Variants in RALYL observed in about 807,000 individuals in gnomAD.
RALYL encodes the protein RNA-binding Raly-like protein.
Under a neutral mutation model 35.1 loss-of-function variants are expected in RALYL, and 29 were observed. That is an observed-to-expected ratio of 0.83 (90% CI 0.61 to 1.13). The LOEUF is 1.13. RALYL is among the 50% of genes most tolerant of loss of function. The pLI is 0.00. For synonymous variants in RALYL, 120 were observed against 127.6 expected (o/e 0.94, Z 0.40); for missense variants, 359 against 360.4 (o/e 1.00, Z 0.03).
At chr8:84,449,982 C>G (rs2049279805) in intron 1 of RALYL, among the ~76,000 whole-genome samples, 1 of 151,492 alleles carries the variant, frequency 6.6e-6, no homozygotes, top group African/African-American at 2.4e-5. Flanking sequence ...GACACAGGCT[C>G]ATGTCTGAAC....
At chr8:84,372,917 C>CTTTTTTTTTTTTTTTT (rs1856174202) in intron 1 of RALYL, among the ~76,000 whole-genome samples, 172 of 49,034 alleles carry the variant, frequency 3.5e-3, no homozygotes, top group African/African-American at 7.1e-3. Flanking sequence ...TTTTTTTTTA[C>CTTTTTTTTTTTTTTTT]TTTTTAATAA....
At chr8:84,788,327 G>A (rs541376557) in intron 3 of RALYL, among the ~76,000 whole-genome samples, 6 of 152,218 alleles carry the variant, frequency 3.9e-5, no homozygotes, top group Admixed American at 3.3e-4. Context: ...CATCGGGAAA[G>A]GATTCCCTAT....
intron 2 of RALYL, among the ~76,000 whole-genome samples, chr8:84,612,556 AAG>A (rs1378297502): frequency 6.7e-6 from 1 of 149,028 alleles, no homozygotes; most frequent in Admixed American, 6.6e-5. Flanking sequence ...TCTACTCCAG[AAG>A]AGAGATGTGC....
intron 2 of RALYL, among the ~76,000 whole-genome samples, chr8:84,565,967 G>A (rs916456985): frequency 6.6e-6 from 1 of 151,582 alleles, no homozygotes; most frequent in Admixed American, 6.6e-5. Flanking sequence ...AAGATGAAAT[G>A]AATTAATTGC....
At chr8:84,766,064 G>C (rs991026939) in intron 2 of RALYL, among the ~76,000 whole-genome samples, 1 of 152,068 alleles carries the variant, frequency 6.6e-6, no homozygotes, top group Non-Finnish European at 1.5e-5. Flanking sequence ...TATTGTAGCA[G>C]TGTAAATTAT....
At chr8:84,811,033 C>CTAT (rs1825784305) in intron 4 of RALYL, among the ~76,000 whole-genome samples, 5 of 152,108 alleles carry the variant, frequency 3.3e-5, no homozygotes. Context: ...ATTCATCATG[C>CTAT]TATTTGTTGC....
rs1303631829 is a variant in RALYL, at chr8:84,630,108, G to A, written c.256+100531G>A. 2.6e-5 allele frequency among the ~76,000 whole-genome samples: 4 copies of A among 151,926 alleles called. No homozygotes were observed. In the South Asian group the frequency reaches 6.2e-4, roughly 24 times the overall value. ...GCTATATGATTTAGAATTTTTTCCA[G>A]CTAAGATTAGCACAACAAATGACAA... On this transcript the variant is annotated intron_variant, in intron 2 of 8. Transcript: ENST00000521268.
At chr8:84,888,377 T>C (rs997593283) in intron 8 of RALYL, among the ~76,000 whole-genome samples, 1 of 152,240 alleles carries the variant, frequency 6.6e-6, no homozygotes, top group Admixed American at 6.5e-5. Flanking sequence ...CCAGATGTCC[T>C]TTCCTGCATA....
intron 1 of RALYL, among the ~76,000 whole-genome samples, chr8:84,266,916 C>T (rs1045998022): frequency 6.8e-6 from 1 of 147,168 alleles, no homozygotes; most frequent in Non-Finnish European, 1.5e-5. Context: ...GCCGAGATCG[C>T]GCCACTGCAC....
chr8:84,432,179 A>G (rs992291457), intron 1 of RALYL, among the ~76,000 whole-genome samples: 11 of 152,324 alleles, frequency 7.2e-5, no homozygotes, highest in Middle Eastern at 6.8e-3. Context: ...AGGTATAAAT[A>G]TAGAATGGAA....
chr8:84,637,706 C>T (rs77577125), intron 2 of RALYL, among the ~76,000 whole-genome samples: 1,573 of 151,808 alleles, frequency 0.01, 24 homozygotes, highest in African/African-American at 0.036. Context: ...TGTGGTCCTC[C>T]GGGAGTGTGG....
chr8:84,295,876 G>T (rs1235225605), intron 1 of RALYL, among the ~76,000 whole-genome samples: 3 of 152,026 alleles, frequency 2.0e-5, no homozygotes, highest in African/African-American at 7.2e-5. Context: ...AAGAATCCTT[G>T]CATTATTTGG....
At chr8:84,391,178 CTT>C (rs1311745696) in intron 1 of RALYL, among the ~76,000 whole-genome samples, 2 of 151,982 alleles carry the variant, frequency 1.3e-5, no homozygotes, top group Non-Finnish European at 2.9e-5. Flanking sequence ...GTGGACGACT[CTT>C]TCTCTCTCAA....
chr8:84,310,823 G>A (rs1293219937), intron 1 of RALYL, among the ~76,000 whole-genome samples: 1 of 137,814 alleles, frequency 7.3e-6, no homozygotes, highest in Non-Finnish European at 1.6e-5. Flanking sequence ...CGAGGCGGGT[G>A]GATCATGAGG....
chr8:84,854,938 T>C (rs1836671396), intron 5 of RALYL, among the ~76,000 whole-genome samples: 1 of 152,178 alleles, frequency 6.6e-6, no homozygotes, highest in Non-Finnish European at 1.5e-5. Flanking sequence ...GGATATGGGC[T>C]GACAGGTGCT....
chr8:84,289,111 G>T (rs1444913167), intron 1 of RALYL, among the ~76,000 whole-genome samples: 1 of 152,066 alleles, frequency 6.6e-6, no homozygotes, highest in African/African-American at 2.4e-5. Context: ...GTTGTGACAG[G>T]AGGTAGTTTC....
At chr8:84,854,567 C>G (rs1452039899) in intron 5 of RALYL, among the ~76,000 whole-genome samples, 1 of 152,172 alleles carries the variant, frequency 6.6e-6, no homozygotes, top group Non-Finnish European at 1.5e-5. Flanking sequence ...ATCACACTTG[C>G]CTGCAGAGAG....
intron 2 of RALYL, among the ~76,000 whole-genome samples, chr8:84,685,289 G>C (rs554167490): frequency 7.9e-5 from 12 of 152,100 alleles, no homozygotes; most frequent in Non-Finnish European, 1.3e-4. Context: ...TTGTAGCTCA[G>C]AGAGAAGATA....
intron 1 of RALYL, among the ~76,000 whole-genome samples, chr8:84,320,483 C>T (rs1256861716): frequency 2.0e-5 from 3 of 151,722 alleles, no homozygotes; most frequent in Non-Finnish European, 4.4e-5. Context: ...TTAAAAAATT[C>T]ATTGTAATAA....
Sources: gnomAD v4.1 joint callset for allele counts (sites outside exome capture counted in the v4.1 genomes callset) on GRCh38, gnomAD v4.1.1 for gene constraint, MANE v1.5 for transcripts, NCBI Gene and HGNC (gene_info 2026-07-23, HGNC 2026-07-21) for gene names.